Variants in PDGFRA observed in about 807,000 individuals in gnomAD.
The protein encoded by PDGFRA is platelet derived growth factor receptor alpha, also known as platelet-derived growth factor receptor alpha.
In PDGFRA, 25 loss-of-function variants were observed where a neutral mutation model predicts 121.5. The ratio of observed to expected loss-of-function variants is 0.21; its 90% CI spans 0.15 to 0.29. The LOEUF (loss-of-function observed/expected upper bound fraction) is 0.29. Among genes scored for constraint, PDGFRA ranks in the 10% least tolerant of loss-of-function variants. PDGFRA has a pLI of 1.00. For missense variants in PDGFRA, 1,008 were observed against 1,345.1 expected, an observed-to-expected ratio of 0.75 and a Z score of 3.92; for synonymous variants, 463 against 494.8, an observed-to-expected ratio of 0.94 and a Z score of 0.85.
chr4:54,247,570 C>T (rs746481606), intron 1 of PDGFRA, among the ~76,000 whole-genome samples: 1 of 151,718 alleles, frequency 6.6e-6, no homozygotes, highest in Non-Finnish European at 1.5e-5. Flanking sequence ...TGGGACGTAT[C>T]TCAAAATAAT....
At chr4:54,283,248 T>G (rs567469215) in intron 16 of PDGFRA, among the ~76,000 whole-genome samples, 1 of 152,338 alleles carries the variant, frequency 6.6e-6, no homozygotes, top group East Asian at 1.9e-4. Context: ...GCTCCAATCC[T>G]GCAGCATGCT....
At chr4:54,276,535 C>T (rs1723737726) in intron 12 of PDGFRA, among the ~76,000 whole-genome samples, 1 of 152,072 alleles carries the variant, frequency 6.6e-6, no homozygotes, top group Non-Finnish European at 1.5e-5. Flanking sequence ...CTGCCTATTT[C>T]CCAACAAGGG....
In PDGFRA at chr4:54,294,280, T is replaced by A. The variant is rs17084134; in HGVS notation, c.3123-845T>A. 6.5e-3 allele frequency among the ~76,000 whole-genome samples: 990 copies of A among 152,250 alleles called. 10 individuals are homozygous for A. Among genetic ancestry groups the A allele is most frequent in the African/African-American group, 0.023 (938 of 41,540 alleles). Reference sequence around the variant, plus strand: ...GCTGGGCAGTGAATCTAGGGCTCTCTGTCTCAGATCCTTTCTCAATTTGGT... The same window carrying A: ...GCTGGGCAGTGAATCTAGGGCTCTCAGTCTCAGATCCTTTCTCAATTTGGT... On this transcript the variant is annotated intron_variant, in intron 22 of 22. Coordinates refer to ENST00000257290, the MANE Select transcript of PDGFRA (RefSeq NM_006206.6).
chr4:54,290,202 G>A, intron 21 of PDGFRA, 111 bp from the exon 22 acceptor site: 5 of 876,930 alleles, frequency 5.7e-6, no homozygotes, highest in South Asian at 1.4e-5. Context: ...ACATCTTCCA[G>A]GTAGTTTGGA....
intron 2 of PDGFRA, 132 bp from the exon 3 acceptor site, chr4:54,260,963 C>A: frequency 2.6e-6 from 2 of 764,312 alleles, no homozygotes; most frequent in Non-Finnish European, 4.3e-6. Flanking sequence ...CTTTCATGGG[C>A]ATCCAGGCTA....
Position 54,272,532 on chromosome 4 carries a change from A to C in PDGFRA, c.1364+12A>C, listed in dbSNP as rs761371660. The C allele has an allele frequency of 8.7e-6, 14 of 1,613,116 alleles. 1 individual carries two copies. In the South Asian group the frequency reaches 1.5e-4, roughly 18 times the overall value. On this transcript the variant is annotated intron_variant, in intron 9 of 22. Transcript: ENST00000257290. ...AAAGATATTAAGAAGTATGGAAAAC[A>C]GATGTGTCTTCTTCTTTCGTGGTCA...
intron 1 of PDGFRA, among the ~76,000 whole-genome samples, chr4:54,255,511 T>C (rs1024903001): frequency 1.3e-5 from 2 of 151,198 alleles, no homozygotes; most frequent in African/African-American, 2.4e-5. Context: ...CCTTTCTTTT[T>C]TTTTTTTTTT....
chr4:54,265,504 A>G (rs1007495846), intron 5 of PDGFRA, among the ~76,000 whole-genome samples: 10 of 152,112 alleles, frequency 6.6e-5, no homozygotes, highest in Non-Finnish European at 1.5e-5. Context: ...ACCCAGGACA[A>G]TGTGTCTTCC....
At chr4:54,240,291 G>A (rs1013289086) in intron 1 of PDGFRA, among the ~76,000 whole-genome samples, 2 of 152,248 alleles carry the variant, frequency 1.3e-5, no homozygotes, top group Admixed American at 1.3e-4. Context: ...TTCTCCCGTT[G>A]TGTTGACCCT....
chr4:54,268,284 G>T (rs1723151099), intron 7 of PDGFRA, among the ~76,000 whole-genome samples: 1 of 152,166 alleles, frequency 6.6e-6, no homozygotes, highest in African/African-American at 2.4e-5. Context: ...ATGGTAGATT[G>T]CTCTCATCTC....
chr4:54,233,399 G>A (rs548612991), intron 1 of PDGFRA, among the ~76,000 whole-genome samples: 2 of 152,342 alleles, frequency 1.3e-5, no homozygotes, highest in Non-Finnish European at 2.9e-5. Flanking sequence ...CTGCGCTGTC[G>A]GGGACCAGGA....
At chr4:54,291,584 T>C (rs1299926336) in intron 22 of PDGFRA, among the ~76,000 whole-genome samples, 1 of 152,134 alleles carries the variant, frequency 6.6e-6, no homozygotes, top group African/African-American at 2.4e-5. Flanking sequence ...TGAGATACCA[T>C]CTCACACCAG....
intron 1 of PDGFRA, among the ~76,000 whole-genome samples, chr4:54,233,940 G>C (rs1299055860): frequency 6.6e-6 from 1 of 152,224 alleles, no homozygotes; most frequent in Non-Finnish European, 1.5e-5. Flanking sequence ...TGGGGGCGGC[G>C]GTGGCGCGCG....
chr4:54,244,491 A>G (rs1000687120), intron 1 of PDGFRA, among the ~76,000 whole-genome samples: 1 of 152,222 alleles, frequency 6.6e-6, no homozygotes, highest in African/African-American at 2.4e-5. Context: ...ACTCCAACAG[A>G]CCTGCAGCTG....
At chr4:54,279,698 C>T (rs1723959076) in intron 15 of PDGFRA, among the ~76,000 whole-genome samples, 1 of 152,078 alleles carries the variant, frequency 6.6e-6, no homozygotes, top group Non-Finnish European at 1.5e-5. Context: ...TTTTATCCCT[C>T]ACCTGCCTCT....
At position 54,270,640 on chromosome 4, in the gene PDGFRA, A is replaced by G. The variant is rs1553903724; in HGVS notation, c.1129A>G (p.Ser377Gly). 2 of 1,597,164 alleles carry G rather than the reference A, an allele frequency of 1.3e-6. No homozygotes were observed. Among genetic ancestry groups the G allele is most frequent in the Non-Finnish European group, 1.7e-6 (2 of 1,164,930 alleles). The change falls in exon 8 of 23, where the codon AGC becomes GGC. Residue 377 changes from serine to glycine, a missense_variant. Physicochemically the swap from Ser to Gly is moderately conservative, Grantham distance 56. Transcript: ENST00000257290. ...VEKIQEIRYR[S>G]KLKLIRAKEE... ...AAATCCTTTTTTTAAAAGGTATCGAAGCAAATTAAAGCTGATCCGTGCTAA... is the reference window on the plus strand; with the variant it reads ...AAATCCTTTTTTTAAAAGGTATCGAGGCAAATTAAAGCTGATCCGTGCTAA...
chr4:54,272,288 G>C (rs1723443293), intron 8 of PDGFRA, 106 bp from the exon 9 acceptor site: 2 of 1,249,528 alleles, frequency 1.6e-6, no homozygotes, highest in African/African-American at 2.9e-5. Context: ...CCTCCGGAGT[G>C]TTTTGAATGC....
intron 16 of PDGFRA, among the ~76,000 whole-genome samples, chr4:54,283,692 C>T (rs1724180266): frequency 6.6e-6 from 1 of 152,170 alleles, no homozygotes; most frequent in African/African-American, 2.4e-5. Flanking sequence ...TAATTCTCTC[C>T]CAAAAAAGCT....
chr4:54,232,556 C>A (rs1236201725), intron 1 of PDGFRA, among the ~76,000 whole-genome samples: 1 of 152,122 alleles, frequency 6.6e-6, no homozygotes, highest in East Asian at 1.9e-4. Flanking sequence ...GCGGCTATGG[C>A]GCGTGTCGGG....
Sources: allele counts gnomAD v4.1 joint callset (sites outside exome capture counted in the v4.1 genomes callset), GRCh38; gene constraint gnomAD v4.1.1; transcripts MANE v1.5; gene names NCBI Gene and HGNC (gene_info 2026-07-23, HGNC 2026-07-21).